Variants in LIN54 observed in about 807,000 individuals in gnomAD.
The protein encoded by LIN54 is protein lin-54 homolog.
A neutral mutation model predicts 78.7 loss-of-function variants in LIN54; 9 were observed. The observed-to-expected ratio is 0.11, with a 90% CI of 0.07 to 0.20. LIN54 has a LOEUF of 0.20. Among genes scored for constraint, LIN54 ranks in the 10% least tolerant of loss-of-function variants. The pLI is 1.00. For synonymous variants in LIN54, 269 were observed against 318.4 expected, an observed-to-expected ratio of 0.84 and a Z score of 1.65; for missense variants, 573 against 889.9, an observed-to-expected ratio of 0.64 and a Z score of 4.53.
chr4:83,012,601 C>T (rs1410106363), upstream of LIN54, among the ~76,000 whole-genome samples: 1 of 152,100 alleles, frequency 6.6e-6, no homozygotes, highest in Admixed American at 6.5e-5. Flanking sequence ...TCGCCCCCCG[C>T]AACCCAGCTT....
intron 4 of LIN54, among the ~76,000 whole-genome samples, chr4:82,956,600 A>G (rs527932673): frequency 1.4e-4 from 21 of 152,310 alleles, no homozygotes; most frequent in African/African-American, 5.1e-4. Context: ...GGGTGACAGA[A>G]TAAGACCGTT....
At chr4:82,966,284 G>A (rs564352537) in intron 4 of LIN54, among the ~76,000 whole-genome samples, 2 of 152,154 alleles carry the variant, frequency 1.3e-5, no homozygotes, top group East Asian at 3.9e-4. Flanking sequence ...CAAGCCTATA[G>A]TACTGCTATA....
intron 1 of LIN54, among the ~76,000 whole-genome samples, chr4:82,991,154 GAAAAAAAAA>G (rs56936823): frequency 1.2e-5 from 1 of 86,360 alleles, no homozygotes; most frequent in African/African-American, 4.1e-5. Flanking sequence ...TGTCTCTTAA[GAAAAAAAAA>G]AAAAAAAAAA....
chr4:83,011,932 C>T (rs892817561), upstream of LIN54: 3 of 632,504 alleles, frequency 4.7e-6, no homozygotes, highest in African/African-American at 6.0e-5. Flanking sequence ...AATTTCAAGG[C>T]TGCGAACAGG....
intron 4 of LIN54, among the ~76,000 whole-genome samples, chr4:82,960,080 T>C (rs1444093994): frequency 6.6e-6 from 1 of 152,196 alleles, no homozygotes; most frequent in Non-Finnish European, 1.5e-5. Flanking sequence ...TACCAAAACA[T>C]ATCAAATGAT....
chr4:82,935,953 A>G (rs375121883), intron 11 of LIN54, 28 bp downstream of exon 11: 3 of 1,609,052 alleles, frequency 1.9e-6, no homozygotes, highest in Non-Finnish European at 2.6e-6. Flanking sequence ...TTTTTAAAAG[A>G]TATTATTTTC....
At chr4:82,938,555 A>G in intron 7 of LIN54, 51 bp from the exon 8 acceptor site, 1 of 973,108 alleles carries the variant, frequency 1.0e-6, no homozygotes, top group Non-Finnish European at 1.6e-6. Context: ...AATGGACAAT[A>G]CTGTCAGGTA....
rs550049478 is a variant in LIN54 at position 82,986,822 on chromosome 4, A to C, written c.-32-1946T>G. Among the ~76,000 whole-genome samples, 244 of 152,192 alleles carry C rather than the reference A, an allele frequency of 1.6e-3. 1 individual carries two copies. Among genetic ancestry groups the C allele is most frequent in the African/African-American group, 5.6e-3 (232 of 41,538 alleles). ...CCACCAAAATAAACCATCATTATTGAGTGCTTACAACACTGATGACGTAAT... is the reference window on the plus strand; with the variant it reads ...CCACCAAAATAAACCATCATTATTGCGTGCTTACAACACTGATGACGTAAT... On this transcript the variant is annotated intron_variant, in intron 1 of 12. Transcript: ENST00000340417.
At chr4:82,979,033 C>T in intron 2 of LIN54, 27 bp from the exon 3 acceptor site, 2 of 1,507,986 alleles carry the variant, frequency 1.3e-6, no homozygotes, top group Non-Finnish European at 9.0e-7. Context: ...ACTATGAAGA[C>T]CATCTGTTTC....
intron 4 of LIN54, among the ~76,000 whole-genome samples, chr4:82,967,062 T>C (rs149825319): frequency 0.017 from 2,518 of 151,660 alleles, 22 homozygotes; most frequent in Non-Finnish European, 0.027. Flanking sequence ...AACCCATCTC[T>C]ACTAAAAATA....
chr4:82,956,569 C>T (rs542547388), intron 4 of LIN54, among the ~76,000 whole-genome samples: 5 of 152,062 alleles, frequency 3.3e-5, no homozygotes, highest in Non-Finnish European at 4.4e-5. Context: ...GAGCTGTGAT[C>T]GCACCACTGC....
intron 4 of LIN54, among the ~76,000 whole-genome samples, chr4:82,966,216 A>C (rs1453095498): frequency 6.6e-6 from 1 of 152,204 alleles, no homozygotes. Flanking sequence ...ATCCTCGTCT[A>C]GATAATCTGT....
At chr4:83,001,953 A>G (rs561375810) in intron 1 of LIN54, among the ~76,000 whole-genome samples, 1 of 66,726 alleles carries the variant, frequency 1.5e-5, no homozygotes, top group Admixed American at 1.6e-4. Flanking sequence ...GAAGGAAGGA[A>G]GGAAGGAAGG....
At chr4:82,932,882 G>C (rs1722084571) in intron 11 of LIN54, among the ~76,000 whole-genome samples, 2 of 152,046 alleles carry the variant, frequency 1.3e-5, no homozygotes, top group African/African-American at 4.8e-5. Flanking sequence ...AGATTTCACT[G>C]TTCTTTAATG....
At chr4:82,985,711 T>C (rs1487243950) in intron 1 of LIN54, among the ~76,000 whole-genome samples, 2 of 152,184 alleles carry the variant, frequency 1.3e-5, no homozygotes, top group Non-Finnish European at 2.9e-5. Flanking sequence ...GGGCTAATTT[T>C]TGTACTTTTA....
chr4:82,960,887 C>T (rs1160135914), intron 4 of LIN54, among the ~76,000 whole-genome samples: 3 of 152,110 alleles, frequency 2.0e-5, no homozygotes, highest in Non-Finnish European at 4.4e-5. Flanking sequence ...ATGGTAAAAA[C>T]CCATCTCTAC....
intron 3 of LIN54, 149 bp downstream of exon 3, chr4:82,978,734 G>C (rs1206304139): frequency 1.5e-5 from 7 of 463,426 alleles, no homozygotes; most frequent in Non-Finnish European, 2.6e-5. Context: ...GAGGCATTTT[G>C]CTTGAAGCAA....
chr4:83,012,378 A>C (rs1476955444), upstream of LIN54, among the ~76,000 whole-genome samples: 1 of 151,954 alleles, frequency 6.6e-6, no homozygotes, highest in Non-Finnish European at 1.5e-5. Context: ...TAGGGAGAGG[A>C]GGGACTGGCA....
chr4:83,010,989 G>T (rs1001868311), upstream of LIN54, among the ~76,000 whole-genome samples: 2 of 152,148 alleles, frequency 1.3e-5, no homozygotes, highest in African/African-American at 4.8e-5. Flanking sequence ...CGGAGCACGG[G>T]CCCCCGCAGG....
Sources: allele counts gnomAD v4.1 joint callset (sites outside exome capture counted in the v4.1 genomes callset), GRCh38; gene constraint gnomAD v4.1.1; transcripts MANE v1.5; gene names NCBI Gene and HGNC (gene_info 2026-07-23, HGNC 2026-07-21).